Variants in KCNG2 observed in about 807,000 individuals in gnomAD.
KCNG2 encodes voltage-gated potassium channel regulatory subunit KCNG2.
In KCNG2, 7 loss-of-function variants were observed where a neutral mutation model predicts 12.3. That is an observed-to-expected ratio of 0.57 (90% confidence interval 0.32 to 1.07). KCNG2 has a LOEUF of 1.07. KCNG2 is among the 50% of genes least tolerant of loss of function. KCNG2 has a pLI of 0.04. For missense variants in KCNG2, 703 were observed against 726.0 expected (o/e 0.97, Z 0.36); for synonymous variants, 414 against 351.4 (o/e 1.18, Z -1.99).
intron 1 of KCNG2, among the ~76,000 whole-genome samples, chr18:79,844,416 TG>T (rs1053344213): frequency 1.3e-5 from 2 of 152,140 alleles, no homozygotes; most frequent in African/African-American, 4.8e-5. Flanking sequence ...GAAGTGATGT[TG>T]ATCAAAGGGT....
chr18:79,836,033 A>G (rs1338050029), intron 1 of KCNG2, among the ~76,000 whole-genome samples: 1 of 152,272 alleles, frequency 6.6e-6, no homozygotes, highest in Non-Finnish European at 1.5e-5. Context: ...AAATAATTTT[A>G]GTAGGTGTAA....
rs959817001 is a variant in KCNG2, at chr18:79,854,167, A to G, written c.-114-2212A>G. Among the ~76,000 whole-genome samples, 19 of 152,332 alleles carry G rather than the reference A, an allele frequency of 1.2e-4. 1 individual carries two copies. The highest frequency in any genetic ancestry group is 1.0e-3 in the Admixed American group (16 of 15,308). The stretch of plus-strand genomic sequence containing the variant: ...GGAAGGCAGGGGGCTGCCTGTCCAC[A>G]GGAGGAGCAGAGCCCGGCCTTCTGC... On this transcript the variant is annotated intron_variant, in intron 1 of 3. Coordinates refer to ENST00000316249, the MANE Select transcript of KCNG2 (RefSeq NM_012283.2).
chr18:79,860,709 G>A (rs927922073), intron 2 of KCNG2, among the ~76,000 whole-genome samples: 1 of 152,164 alleles, frequency 6.6e-6, no homozygotes, highest in Non-Finnish European at 1.5e-5. Context: ...GTGTGCGTGT[G>A]TGTTCTTTAA....
chr18:79,874,339 C>T (rs1979981014), intron 3 of KCNG2, among the ~76,000 whole-genome samples: 1 of 152,234 alleles, frequency 6.6e-6, no homozygotes, highest in Non-Finnish European at 1.5e-5. Flanking sequence ...AAGAGAGGTT[C>T]TGTGTCTATC....
rs376971252 is a variant in KCNG2 at position 79,848,631 on chromosome 18, G to A, written c.-114-7748G>A. On this transcript the variant is annotated intron_variant, in intron 1 of 3. Transcript: ENST00000316249. The stretch of plus-strand genomic sequence containing the variant: ...GGCTGAGACTCGCACACACTTCCGG[G>A]GACGCAGTGGAACCCACAGCTCTGC... 3.9e-5 allele frequency among the ~76,000 whole-genome samples: 6 copies of A among 152,360 alleles called. No homozygotes were observed. In the East Asian group the frequency reaches 9.6e-4, roughly 24 times the overall value.
intron 1 of KCNG2, among the ~76,000 whole-genome samples, chr18:79,827,256 G>A (rs990939501): frequency 6.6e-6 from 1 of 152,244 alleles, no homozygotes; most frequent in Non-Finnish European, 1.5e-5. Context: ...CCACCCCGGA[G>A]CCCCCAGGGC....
chr18:79,860,294 C>T (rs915073159), intron 2 of KCNG2, among the ~76,000 whole-genome samples: 1 of 152,192 alleles, frequency 6.6e-6, no homozygotes, highest in African/African-American at 2.4e-5. Flanking sequence ...GAATGTTCAA[C>T]TTGTCAATGT....
At chr18:79,818,172 C>A (rs1157817116) in intron 1 of KCNG2, among the ~76,000 whole-genome samples, 1 of 152,238 alleles carries the variant, frequency 6.6e-6, no homozygotes, top group Non-Finnish European at 1.5e-5. Flanking sequence ...GCTGCTGTGG[C>A]CACCCGGGAG....
intron 1 of KCNG2, among the ~76,000 whole-genome samples, chr18:79,846,441 A>C: frequency 6.6e-6 from 1 of 150,630 alleles, no homozygotes; most frequent in East Asian, 2.0e-4. Context: ...AAATAAAAGT[A>C]TTTCAAATCA....
At chr18:79,894,051 T>G (rs548663232) in intron 3 of KCNG2, among the ~76,000 whole-genome samples, 1 of 151,546 alleles carries the variant, frequency 6.6e-6, no homozygotes, top group East Asian at 2.0e-4. Context: ...TGTTAACGAT[T>G]AATATAGTTG....
At chr18:79,876,427 C>A (rs891824300) in intron 3 of KCNG2, among the ~76,000 whole-genome samples, 1 of 152,230 alleles carries the variant, frequency 6.6e-6, no homozygotes, top group Non-Finnish European at 1.5e-5. Flanking sequence ...TGCGGCGTGG[C>A]CACTGCTGTG....
intron 2 of KCNG2, among the ~76,000 whole-genome samples, chr18:79,856,894 C>T (rs1599396881): frequency 1.3e-5 from 2 of 151,724 alleles, no homozygotes; most frequent in South Asian, 2.1e-4. Flanking sequence ...TCCCCCAGAG[C>T]GCTTGACTTG....
At chr18:79,812,275 G>C (rs1183251662) in intron 1 of KCNG2, among the ~76,000 whole-genome samples, 2 of 152,178 alleles carry the variant, frequency 1.3e-5, no homozygotes, top group Non-Finnish European at 2.9e-5. Context: ...GATACGGTCG[G>C]AACAGTTCTT....
intron 1 of KCNG2, among the ~76,000 whole-genome samples, chr18:79,827,415 G>C (rs1009352195): frequency 6.6e-6 from 1 of 152,218 alleles, no homozygotes; most frequent in Non-Finnish European, 1.5e-5. Context: ...AGGTAGGAGA[G>C]GTCATCTGGC....
intron 1 of KCNG2, among the ~76,000 whole-genome samples, chr18:79,802,413 G>T (rs1454892280): frequency 2.6e-5 from 4 of 151,506 alleles, no homozygotes; most frequent in African/African-American, 9.8e-5. Context: ...GGTCCGGAGA[G>T]CCTGGCCTTG....
chr18:79,800,865 G>T lies in KCNG2; in HGVS notation c.-115+2851G>T, dbSNP rs1423143261. ...AATGTCAAGTCAAAATGGGTCCCCG[G>T]CGGGGCCAGGAGAACACCCAGACTC... On this transcript the variant is annotated intron_variant, in intron 1 of 3. Transcript: ENST00000316249. The surrounding 1 kb of genome is among the most constrained non-coding windows in gnomAD (Gnocchi z 4.0). Among the ~76,000 whole-genome samples, 3 of 152,260 alleles carry T rather than the reference G, an allele frequency of 2.0e-5. No individual in the cohort carries two copies. The highest frequency in any genetic ancestry group is 7.2e-5 in the African/African-American group (3 of 41,476).
intron 1 of KCNG2, among the ~76,000 whole-genome samples, chr18:79,801,478 C>T (rs1019660909): frequency 2.0e-5 from 3 of 152,248 alleles, no homozygotes; most frequent in Non-Finnish European, 2.9e-5. Context: ...ACCCTTCACC[C>T]AGGCCCGGCA....
rs986897203 is a variant in KCNG2 at position 79,800,119 on chromosome 18, C to G, written c.-115+2105C>G. Among the ~76,000 whole-genome samples, 1 of 151,882 alleles carries G rather than the reference C, an allele frequency of 6.6e-6. No homozygotes were observed. Among genetic ancestry groups the G allele is most frequent in the African/African-American group, 2.4e-5 (1 of 41,318 alleles). ...ACGGAGGGCTGTTTGTCGTGGGAGG[C>G]GCGTCTCTCTGCAGCCCTGGCAGGC... On this transcript the variant is annotated intron_variant, in intron 1 of 3. Transcript: ENST00000316249. The surrounding 1 kb of genome is among the most constrained non-coding windows in gnomAD (Gnocchi z 4.0).
chr18:79,852,444 T>G (rs1978857048), intron 1 of KCNG2, among the ~76,000 whole-genome samples: 1 of 152,266 alleles, frequency 6.6e-6, no homozygotes, highest in South Asian at 2.1e-4. Flanking sequence ...TCTATTTAAT[T>G]GTGCATAAGC....
Sources: allele counts gnomAD v4.1 joint callset (sites outside exome capture counted in the v4.1 genomes callset), GRCh38; gene constraint gnomAD v4.1.1; non-coding constraint Gnocchi (gnomAD v3.1); transcripts MANE v1.5; gene names NCBI Gene and HGNC (gene_info 2026-07-23, HGNC 2026-07-21).